ARHGAP22: variants seen among roughly 807,000 people sequenced by gnomAD.
The protein encoded by ARHGAP22 is rho GTPase-activating protein 22.
A neutral mutation model predicts 59.1 loss-of-function variants in ARHGAP22; 48 were observed. The observed-to-expected ratio is 0.81, with a 90% CI of 0.64 to 1.03. The LOEUF (loss-of-function observed/expected upper bound fraction) is 1.03. ARHGAP22 is among the 50% of genes least tolerant of loss of function. The probability of loss-of-function intolerance (pLI) is 0.00; values close to 1 mark genes in which losing one functional copy is unlikely to be tolerated. For synonymous variants in ARHGAP22, 445 were observed against 416.4 expected (o/e 1.07, Z -0.84); for missense variants, 1,015 against 958.7 (o/e 1.06, Z -0.78).
chr10:48,443,418 C>A (rs951582246), downstream of ARHGAP22, among the ~76,000 whole-genome samples: 8 of 152,212 alleles, frequency 5.3e-5, no homozygotes, highest in South Asian at 6.2e-4. Flanking sequence ...TACCCCACTT[C>A]TTCACAGACT....
the ARHGAP22 span, chr10:48,438,915 T>G: frequency 2.6e-5 from 4 of 152,202 alleles, no homozygotes; most frequent in African/African-American, 4.8e-5. Context: ...TAGTAAAAAT[T>G]TTACGAAGAA....
chr10:48,532,505 A>G (rs1452377097), intron 3 of ARHGAP22: 2 of 151,800 alleles, frequency 1.3e-5, no homozygotes, highest in Non-Finnish European at 2.9e-5. Flanking sequence ...TTTTTATTAT[A>G]CTTTAAGTTC....
chr10:48,542,750 C>T (rs2056079054), intron 3 of ARHGAP22, among the ~76,000 whole-genome samples: 1 of 152,292 alleles, frequency 6.6e-6, no homozygotes, highest in Admixed American at 6.5e-5. Context: ...GGGGATGGGT[C>T]TGTTGCCCAT....
intron 2 of ARHGAP22, among the ~76,000 whole-genome samples, chr10:48,568,436 T>C (rs1395255739): frequency 6.6e-6 from 1 of 152,170 alleles, no homozygotes; most frequent in Non-Finnish European, 1.5e-5. Context: ...TGGTGTTCCA[T>C]GTAGAGGGGC....
intron 4 of ARHGAP22, among the ~76,000 whole-genome samples, chr10:48,461,157 A>G (rs1424817786): frequency 6.6e-6 from 1 of 152,202 alleles, no homozygotes; most frequent in Non-Finnish European, 1.5e-5. Context: ...ATTTTATGAA[A>G]TGTTTTAAAA....
chr10:48,458,444 G>A (rs1033726498), intron 5 of ARHGAP22, among the ~76,000 whole-genome samples: 12 of 152,106 alleles, frequency 7.9e-5, no homozygotes, highest in African/African-American at 2.9e-4. Flanking sequence ...CCCAGGTGGA[G>A]ACCCCCCCAG....
At chr10:48,615,019 C>CA (rs2061026695) in intron 1 of ARHGAP22, among the ~76,000 whole-genome samples, 1 of 152,008 alleles carries the variant, frequency 6.6e-6, no homozygotes, top group Non-Finnish European at 1.5e-5. Flanking sequence ...ATAGTTGGAG[C>CA]AAAAAATAGA....
intron 3 of ARHGAP22, among the ~76,000 whole-genome samples, chr10:48,504,554 C>G (rs911431947): frequency 1.3e-5 from 2 of 152,178 alleles, no homozygotes; most frequent in African/African-American, 4.8e-5. Context: ...AACTCAGGAA[C>G]AGCAGGGGCT....
intron 3 of ARHGAP22, among the ~76,000 whole-genome samples, chr10:48,541,873 A>C (rs6537567): frequency 0.58 from 87,540 of 152,126 alleles, 26,623 homozygotes; most frequent in East Asian, 0.99. Context: ...GGGTGACATT[A>C]CCTATTGAGC....
intron 3 of ARHGAP22, among the ~76,000 whole-genome samples, chr10:48,483,700 T>C (rs534177194): frequency 4.6e-5 from 7 of 152,322 alleles, no homozygotes; most frequent in East Asian, 3.9e-4. Flanking sequence ...TTTTGTGGAA[T>C]GTCTATAGGA....
At chr10:48,551,881 T>C (rs2056922052) in intron 3 of ARHGAP22, among the ~76,000 whole-genome samples, 1 of 152,316 alleles carries the variant, frequency 6.6e-6, no homozygotes, top group South Asian at 2.1e-4. Context: ...TATGGCCAGA[T>C]GTCTGTGTTG....
At chr10:48,595,391 A>T (rs560121108) in intron 1 of ARHGAP22, among the ~76,000 whole-genome samples, 1 of 152,328 alleles carries the variant, frequency 6.6e-6, no homozygotes, top group Admixed American at 6.5e-5. Context: ...TTTGCTGCCA[A>T]GGGCAAAGGG....
At chr10:48,655,031 ATTCTTTCT>A (rs1385320986), upstream of ARHGAP22, among the ~76,000 whole-genome samples, 1 of 35,836 alleles carries the variant, frequency 2.8e-5, no homozygotes, top group Non-Finnish European at 5.3e-5. Flanking sequence ...TCTTTCTTTC[ATTCTTTCT>A]TTCTTTCTTT....
At chr10:48,444,624 T>G (rs2045281970), downstream of ARHGAP22, 1 of 152,230 alleles carries the variant, frequency 6.6e-6, no homozygotes, top group South Asian at 2.1e-4. Context: ...GAAACCCATT[T>G]CAGTCTCCTC....
intron 9 of ARHGAP22, among the ~76,000 whole-genome samples, chr10:48,449,770 G>A (rs983208641): frequency 6.6e-6 from 1 of 151,470 alleles, no homozygotes; most frequent in Non-Finnish European, 1.5e-5. Context: ...TGACAAGGGC[G>A]GACACGAGGG....
chr10:48,444,077 C>T (rs1311913885), downstream of ARHGAP22: 2 of 152,190 alleles, frequency 1.3e-5, no homozygotes, highest in Admixed American at 6.5e-5. Flanking sequence ...GCATGTTTCA[C>T]TCATCCATGC....
intron 2 of ARHGAP22, among the ~76,000 whole-genome samples, chr10:48,563,244 A>AG (rs2135411179): frequency 7.9e-6 from 1 of 126,720 alleles, no homozygotes; most frequent in East Asian, 3.0e-4. Context: ...CCCAGGCTGG[A>AG]GTGCAGTGGC....
intron 3 of ARHGAP22, among the ~76,000 whole-genome samples, chr10:48,508,750 T>C (rs558717713): frequency 2.5e-4 from 38 of 152,314 alleles, no homozygotes; most frequent in Admixed American, 9.2e-4. Context: ...GTAAATTGTA[T>C]GGGAGGCACT....
chr10:48,598,781 C>T (rs1344212404), intron 1 of ARHGAP22, among the ~76,000 whole-genome samples: 1 of 152,222 alleles, frequency 6.6e-6, no homozygotes, highest in Non-Finnish European at 1.5e-5. Context: ...GCAGCCACCA[C>T]AGGGGCACAC....
Sources: gnomAD v4.1 joint callset for allele counts (sites outside exome capture counted in the v4.1 genomes callset) on GRCh38, gnomAD v4.1.1 for gene constraint, MANE v1.5 for transcripts, NCBI Gene and HGNC (gene_info 2026-07-23, HGNC 2026-07-21) for gene names.